EIF2AK1: variants seen among roughly 807,000 people sequenced by gnomAD.
The protein encoded by EIF2AK1 is eukaryotic translation initiation factor 2-alpha kinase 1.
A neutral mutation model predicts 77.9 loss-of-function variants in EIF2AK1; 54 were observed. The ratio of observed to expected loss-of-function variants is 0.69; its 90% CI spans 0.56 to 0.87. The LOEUF (loss-of-function observed/expected upper bound fraction) is 0.87. Among genes scored for constraint, EIF2AK1 ranks in the 40% least tolerant of loss-of-function variants. The pLI is 0.00. For synonymous variants in EIF2AK1, 314 were observed against 290.5 expected (o/e 1.08, Z -0.82); for missense variants, 810 against 768.6 (o/e 1.05, Z -0.64).
intron 2 of EIF2AK1, among the ~76,000 whole-genome samples, chr7:6,052,619 T>A (rs1378683644): frequency 3.9e-5 from 5 of 128,698 alleles, no homozygotes; most frequent in East Asian, 2.5e-4. Flanking sequence ...AACCTCAGAA[T>A]CTCTGGCTGG....
chr7:6,035,954 C>G lies in EIF2AK1; in HGVS notation c.1332+1470G>C, dbSNP rs1583483611. The stretch of plus-strand genomic sequence containing the variant: ...ACGGAGCCAAAGTCAACGCCCAGGA[C>G]TACAAGGGCCAAACAGCCATCCATG... On this transcript the variant is annotated intron_variant, in intron 11 of 14. Transcript: ENST00000199389. The surrounding 1 kb of genome is among the most constrained non-coding windows in gnomAD (Gnocchi z 5.5). 1 of 1,549,294 alleles carries G rather than the reference C, an allele frequency of 6.5e-7. No individual in the cohort carries two copies. The highest frequency in any genetic ancestry group is 8.7e-7 in the Non-Finnish European group (1 of 1,146,064).
chr7:6,054,953 C>G (rs1483008184), intron 1 of EIF2AK1, among the ~76,000 whole-genome samples: 3 of 152,046 alleles, frequency 2.0e-5, no homozygotes, highest in African/African-American at 7.2e-5. Flanking sequence ...TCTGATGTGT[C>G]CAATAGTACA....
At chr7:6,037,396 T>C (rs1288535225) in intron 11 of EIF2AK1, 28 bp downstream of exon 11, 8 of 1,479,576 alleles carry the variant, frequency 5.4e-6, no homozygotes, top group Non-Finnish European at 7.5e-6. Context: ...CTCCCACTGC[T>C]TTCAATGATT....
Position 6,044,592 on chromosome 7 carries a change from T to C in EIF2AK1, c.700A>G (p.Ile234Val). 1 of 1,614,132 alleles carries C rather than the reference T, an allele frequency of 6.2e-7. No individual in the cohort carries two copies. Among genetic ancestry groups the C allele is most frequent in the East Asian group, 2.2e-5 (1 of 44,882 alleles). The change falls in exon 7 of 15, where the codon ATA (isoleucine) becomes GTA (valine). Residue 234 changes from isoleucine (I) to valine (V), a missense_variant. This residue lies in a region of EIF2AK1 where 549 missense variants were observed against 533.7 expected (regional missense o/e 1.03). Coordinates refer to ENST00000199389, the MANE Select transcript of EIF2AK1 (RefSeq NM_014413.4). ...PNIVGYHTAW[I>V]EHVHVIQPRA... is the part of the protein sequence containing the mutation. ...GGCTGAATCACATGAACATGTTCTA[T>C]CCACGCGGTGTGATAGCCAACAATA... is the stretch of plus-strand genomic sequence containing the variant.
rs766766697 is a variant in EIF2AK1, at chr7:6,059,074, C to T, written c.10G>A (p.Gly4Ser). The T allele has an allele frequency of 4.2e-6, 6 of 1,416,446 alleles. No homozygotes were observed. The Admixed American group carries it at 2.1e-4, about 49-fold the overall frequency. 87.7% of individuals were successfully genotyped at this position (1,416,446 alleles called of 1,614,324 possible). Reference protein sequence around the residue: MQGGNSGVRKREEE... With the variant: MQGSNSGVRKREEE... The stretch of plus-strand genomic sequence containing the variant: ...TCGCGCTTGCGGACCCCGGAGTTGC[C>T]CCCCTGCATCGCCGGCCGCGCGCGG... Residue 4 changes from glycine (G) to serine (S), a missense_variant, in exon 1 of 15, where the codon GGC becomes AGC. By Grantham distance (56) the Gly-to-Ser change is moderately conservative (BLOSUM62 0). Around this residue, in one of 3 missense-constraint regions of EIF2AK1, gnomAD observed 246 missense variants for 199.0 expected, o/e 1.24. Transcript: ENST00000199389.
intron 6 of EIF2AK1, among the ~76,000 whole-genome samples, 173 bp from the exon 7 acceptor site, chr7:6,044,834 G>A (rs539312060): frequency 5.3e-5 from 8 of 152,060 alleles, no homozygotes; most frequent in African/African-American, 1.4e-4. Context: ...TGCAGTATGC[G>A]GTGCATGAGA....
rs140285220 is a variant in EIF2AK1 at position 6,041,129 on chromosome 7, T to C, written c.882A>G (p.Glu294=). The change falls in exon 9 of 15, where the codon GAA becomes GAG. Residue 294 remains glutamate (E), a synonymous_variant. Transcript: ENST00000199389. ...PTPEKEKRFG[E]SDTENQNNKS... ...TGTTATTCTGATTTTCAGTGTCAGA[T>C]TCTCCAAAGCGTTTTTCTTTTTCTG... 463 of 1,614,092 alleles carry C rather than the reference T, an allele frequency of 2.9e-4. No individual in the cohort carries two copies. The highest frequency in any genetic ancestry group is 3.8e-4 in the Non-Finnish European group (443 of 1,180,034).
In EIF2AK1 at chr7:6,026,941, A is replaced by AC. The variant is rs34963162; in HGVS notation, c.1550dup (p.Val518CysfsTer34). On this transcript the variant is annotated frameshift_variant, in exon 14 of 15. Transcript: ENST00000199389. LOFTEE classifies it high-confidence loss of function. Reference sequence around the variant, plus strand: ...GCTGAAAGAGCTCTAGCAGGACCACACCCAAGCTGTACATATCTGACTGGA... The same window carrying AC: ...GCTGAAAGAGCTCTAGCAGGACCACACCCCAAGCTGTACATATCTGACTGGA... 1 of 1,613,992 alleles carries AC rather than the reference A, an allele frequency of 6.2e-7. No individual in the cohort carries two copies. The highest frequency in any genetic ancestry group is 8.5e-7 in the Non-Finnish European group (1 of 1,179,992).
At chr7:6,031,519 G>A in intron 11 of EIF2AK1, 8 of 1,550,730 alleles carry the variant, frequency 5.2e-6, no homozygotes, top group Non-Finnish European at 7.0e-6. Flanking sequence ...AGGTACTCCT[G>A]AGAAATCACC....
Position 6,037,518 on chromosome 7 carries a change from T to C in EIF2AK1, c.1238A>G (p.Tyr413Cys). The C allele has an allele frequency of 6.2e-7, 1 of 1,605,802 alleles. No homozygotes were observed. The highest frequency in any genetic ancestry group is 2.2e-5 in the East Asian group (1 of 44,814). Residue 413 changes from tyrosine to cysteine, a missense_variant, in exon 11 of 15, where the codon TAT becomes TGT. Tyr to Cys is a radical substitution (Grantham distance 194). Transcript: ENST00000199389. ...TTTTGTTGCAACATTGGCCATAACA[T>C]AAGGACCTTGAAGTAAAAAAAAATA... ...REYVDESACP[Y>C]VMANVATKIF...
chr7:6,039,068 T>TA (rs1180243120), intron 9 of EIF2AK1, among the ~76,000 whole-genome samples: 1 of 152,180 alleles, frequency 6.6e-6, no homozygotes, highest in Non-Finnish European at 1.5e-5. Context: ...GGCTGTATGA[T>TA]ATTCTACTAC....
intron 11 of EIF2AK1, chr7:6,031,282 C>A: frequency 8.3e-7 from 1 of 1,210,460 alleles, no homozygotes; most frequent in Non-Finnish European, 1.2e-6. Flanking sequence ...AATTCTAGAA[C>A]AGTTCTAGAA....
At chr7:6,031,059 A>T (rs1787895707) in intron 11 of EIF2AK1, among the ~76,000 whole-genome samples, 1 of 152,220 alleles carries the variant, frequency 6.6e-6, no homozygotes, top group Non-Finnish European at 1.5e-5. Context: ...TAATGTATAA[A>T]TTCCTCTGTT....
At chr7:6,043,977 T>G (rs1788370785) in intron 7 of EIF2AK1, among the ~76,000 whole-genome samples, 1 of 151,478 alleles carries the variant, frequency 6.6e-6, no homozygotes. Context: ...CACACACCTG[T>G]AATCCCAGCT....
chr7:6,040,837 A>G, intron 9 of EIF2AK1, 55 bp downstream of exon 9: 1 of 1,427,542 alleles, frequency 7.0e-7, no homozygotes, highest in Non-Finnish European at 9.8e-7. Context: ...AAGGCCACAC[A>G]CCTGCACAGT....
In EIF2AK1 at chr7:6,059,105, A is replaced by AGCCCAGCCCGCC. The variant is rs1336688176; in HGVS notation, c.-34_-23dup. 6 of 1,352,048 alleles carry AGCCCAGCCCGCC rather than the reference A, an allele frequency of 4.4e-6. No individual in the cohort carries two copies. In the African/African-American group the frequency reaches 9.3e-5, roughly 21 times the overall value. 83.8% of individuals were successfully genotyped at this position (1,352,048 alleles called of 1,614,324 possible). A position where few individuals can be genotyped will look rare whatever the true frequency, so the allele number is the denominator to read the frequency against. On this transcript the variant is annotated 5_prime_UTR_variant, in exon 1 of 15. Coordinates refer to ENST00000199389, the MANE Select transcript of EIF2AK1 (RefSeq NM_014413.4). ...GCATCGCCGGCCGCGCGCGGGCCGC[A>AGCCCAGCCCGCC]GCCCAGCCCGCCGGCCAGCCCAGCA... is the stretch of plus-strand genomic sequence containing the variant.
At chr7:6,056,454 T>C (rs1788764195) in intron 1 of EIF2AK1, among the ~76,000 whole-genome samples, 1 of 147,102 alleles carries the variant, frequency 6.8e-6, no homozygotes, top group Non-Finnish European at 1.5e-5. Flanking sequence ...ATTAGCTGGG[T>C]GTGGTGGCAG....
chr7:6,054,395 G>C lies in EIF2AK1; in HGVS notation c.277+151C>G, dbSNP rs1037559880. 29 of 735,716 alleles carry C rather than the reference G, an allele frequency of 3.9e-5. No homozygotes were observed. The African/African-American group carries it at 4.6e-4, about 12-fold the overall frequency. 45.6% of individuals were successfully genotyped at this position (735,716 alleles called of 1,614,324 possible). On this transcript the variant is annotated intron_variant, in intron 2 of 14. Transcript: ENST00000199389. ...ATTTCCATATTTTGAGTAAAGAGGGGGTTTCGTCATGTTAGCCAAACCGAT... is the reference window on the plus strand; with the variant it reads ...ATTTCCATATTTTGAGTAAAGAGGGCGTTTCGTCATGTTAGCCAAACCGAT...
intron 1 of EIF2AK1, chr7:6,058,096 C>G: frequency 2.2e-6 from 1 of 455,536 alleles, no homozygotes; most frequent in Non-Finnish European, 4.4e-6. Flanking sequence ...CCCCGTATCT[C>G]CTAGTAAACA....
Sources: gnomAD v4.1 joint callset for allele counts (sites outside exome capture counted in the v4.1 genomes callset) on GRCh38, gnomAD v4.1.1 for gene constraint, gnomAD v4.1.1 regional missense constraint, Gnocchi (gnomAD v3.1) non-coding constraint, MANE v1.5 for transcripts, NCBI Gene and HGNC (gene_info 2026-07-23, HGNC 2026-07-21) for gene names.